The following TGS1 variants were observed in gnomAD, a reference collection of about 807,000 sequenced individuals.
TGS1 encodes the protein trimethylguanosine synthase 1.
A neutral mutation model predicts 92.2 loss-of-function variants in TGS1; 69 were observed. The ratio of observed to expected loss-of-function variants is 0.75; its 90% confidence interval spans 0.62 to 0.91. The LOEUF (loss-of-function observed/expected upper bound fraction) is 0.91, where lower values mean the gene tolerates loss of function less well. Among genes scored for constraint, TGS1 ranks in the 40% least tolerant of loss-of-function variants. TGS1 has a pLI of 0.00. For synonymous variants in TGS1, 345 were observed against 338.1 expected (o/e 1.02, Z -0.22); for missense variants, 1,062 against 1,001.2 (o/e 1.06, Z -0.82).
chr8:55,804,793 C>CT, intron 9 of TGS1, 100 bp from the exon 10 acceptor site: 1 of 1,017,512 alleles, frequency 9.8e-7, no homozygotes, highest in East Asian at 2.7e-5. Flanking sequence ...GGAAACTAAG[C>CT]TTTTTAAAAG....
chr8:55,812,911 T>C, intron 11 of TGS1, 129 bp from the exon 12 acceptor site: 1 of 678,066 alleles, frequency 1.5e-6, no homozygotes, highest in Non-Finnish European at 2.6e-6. Context: ...TTAGGTTCCA[T>C]TAGAGGGTTT....
intron 11 of TGS1, among the ~76,000 whole-genome samples, chr8:55,811,527 C>T (rs988030595): frequency 2.0e-5 from 3 of 147,738 alleles, no homozygotes; most frequent in Non-Finnish European, 3.0e-5. Context: ...TTTGGGAGGC[C>T]GAGGCAGGTG....
chr8:55,806,416 T>C (rs1314643552), intron 10 of TGS1, among the ~76,000 whole-genome samples: 5 of 143,516 alleles, frequency 3.5e-5, no homozygotes, highest in African/African-American at 5.2e-5. Context: ...TCAATAAATA[T>C]AGTACTGTAA....
At chr8:55,804,493 C>T (rs1285609854) in intron 9 of TGS1, among the ~76,000 whole-genome samples, 1 of 152,162 alleles carries the variant, frequency 6.6e-6, no homozygotes, top group African/African-American at 2.4e-5. Context: ...CAGGCTATTG[C>T]TTCAACCTTA....
In TGS1 at chr8:55,790,213, C is replaced by T; in HGVS notation, c.1194C>T (p.Ser398=). 1.2e-6 allele frequency: 2 copies of T among 1,614,040 alleles called. No homozygotes were observed. The highest frequency in any genetic ancestry group is 1.7e-6 in the Non-Finnish European group (2 of 1,179,940). Reference sequence around the variant, plus strand: ...AGAAGTCTTCAGGAGCAAACACAAGCAAAGACAGACCACATGCCAGTGGTA... The same window carrying T: ...AGAAGTCTTCAGGAGCAAACACAAGTAAAGACAGACCACATGCCAGTGGTA... ...DSQKSSGANT[S]KDRPHASGTD... is the part of the protein sequence containing the mutation. The change falls in exon 5 of 13, where the codon AGC becomes AGT. Residue 398 remains serine (S), a synonymous_variant. Transcript: ENST00000260129.
rs1481212491 is a variant in TGS1 at position 55,785,834 on chromosome 8, G to A, written c.282G>A (p.Met94Ile). Residue 94 changes from methionine to isoleucine, a missense_variant, in exon 3 of 13, where the codon ATG (methionine) becomes ATA (isoleucine). Physicochemically the swap from Met to Ile is conservative, Grantham distance 10. Coordinates refer to ENST00000260129, the MANE Select transcript of TGS1 (RefSeq NM_024831.8). ...ESELDSEAEL[M>I]RSMGLPLQFG... is the part of the protein sequence containing the mutation. The stretch of plus-strand genomic sequence containing the variant: ...AACTTGATTCTGAGGCTGAACTCAT[G>A]AGAAGTATGGGATTGCCACTTCAAT... 2 of 1,614,040 alleles carry A rather than the reference G, an allele frequency of 1.2e-6. No individual in the cohort carries two copies. Among genetic ancestry groups the A allele is most frequent in the East Asian group, 4.5e-5 (2 of 44,874 alleles).
Position 55,819,312 on chromosome 8 carries a change from T to TTTC in TGS1, c.2440-5268_2440-5267insTCT, listed in dbSNP as rs1803569506. On this transcript the variant is annotated intron_variant, in intron 12 of 12. Transcript: ENST00000260129. ...GATTTTTTTTTTTTTTTTTTTTTTT[T>TTTC]TGAGATGGAGTTTTGCTCTTGTTGC... Among the ~76,000 whole-genome samples the TTTC allele has an allele frequency of 3.3e-5, 3 of 91,168 alleles. No individual in the cohort carries two copies. The South Asian group carries it at 1.2e-3, about 35-fold the overall frequency. The allele number at this position is 91,168 out of a possible 152,430, so 59.8% of individuals were successfully genotyped here.
intron 10 of TGS1, among the ~76,000 whole-genome samples, chr8:55,806,380 C>CAAAAAAAAAAAAAAAAAAAAA (rs1812373667): frequency 8.4e-6 from 1 of 119,576 alleles, no homozygotes. Flanking sequence ...AAAAAAAAGA[C>CAAAAAAAAAAAAAAAAAAAAA]AAAAGAAAAA....
chr8:55,790,307 A>T lies in TGS1; in HGVS notation c.1280+8A>T. 1.9e-6 allele frequency: 3 copies of T among 1,572,396 alleles called. No homozygotes were observed. The highest frequency in any genetic ancestry group is 2.6e-6 in the Non-Finnish European group (3 of 1,142,170). ...AAGCAAACTGAAGAGGAGGTAAGTT[A>T]CATGAGACCCCTCTCACCAGAGCGT... On this transcript the variant is annotated splice_region_variant and intron_variant, in intron 5 of 12. Coordinates refer to ENST00000260129, the MANE Select transcript of TGS1 (RefSeq NM_024831.8).
chr8:55,802,744 TTC>T (rs1812254551), intron 9 of TGS1, 138 bp downstream of exon 9: 1 of 756,750 alleles, frequency 1.3e-6, no homozygotes, highest in Non-Finnish European at 2.0e-6. Flanking sequence ...CCCGTTTACG[TTC>T]TCATTCTCTC....
chr8:55,803,689 T>C (rs977675696), intron 9 of TGS1, among the ~76,000 whole-genome samples: 1 of 144,914 alleles, frequency 6.9e-6, no homozygotes, highest in African/African-American at 2.7e-5. Context: ...TATTTTTTCT[T>C]TTCTTTTTTT....
At chr8:55,793,818 A>G (rs1419160349) in intron 6 of TGS1, among the ~76,000 whole-genome samples, 1 of 151,552 alleles carries the variant, frequency 6.6e-6, no homozygotes, top group Non-Finnish European at 1.5e-5. Context: ...GGGTTGCACC[A>G]TATTGGCCAG....
chr8:55,798,930 C>G lies in TGS1; in HGVS notation c.1559C>G (p.Thr520Arg). The G allele has an allele frequency of 1.2e-6, 2 of 1,602,910 alleles. No homozygotes were observed. The highest frequency in any genetic ancestry group is 1.7e-6 in the Non-Finnish European group (2 of 1,175,912). ...KILSKVEKFLTWVNKPMDEEA... is the reference protein window; with the variant it reads ...KILSKVEKFLRWVNKPMDEEA... ...AAATTTAAGGTAGAAAAATTCCTCA[C>G]ATGGGTTAATAAACCAATGGATGAA... The change falls in exon 8 of 13, where the codon ACA (threonine) becomes AGA (arginine). Residue 520 changes from threonine to arginine, a missense_variant. By Grantham distance (71) the Thr-to-Arg change is moderately conservative. Coordinates refer to ENST00000260129, the MANE Select transcript of TGS1 (RefSeq NM_024831.8).
chr8:55,824,886 G>A lies in TGS1; in HGVS notation c.*183G>A. ...TTGAGATCTTTGAATAATTCCTTTA[G>A]AGGAATTATACAAAATTAATATATA... On this transcript the variant is annotated 3_prime_UTR_variant, in exon 13 of 13. Coordinates refer to ENST00000260129, the MANE Select transcript of TGS1 (RefSeq NM_024831.8). The A allele has an allele frequency of 3.1e-6, 2 of 638,080 alleles. No homozygotes were observed. The highest frequency in any genetic ancestry group is 5.2e-6 in the Non-Finnish European group (2 of 388,264). 39.5% of individuals were successfully genotyped at this position (638,080 alleles called of 1,614,324 possible). A position where few individuals can be genotyped will look rare whatever the true frequency, so the allele number is the denominator to read the frequency against.
chr8:55,786,929 G>A lies in TGS1; in HGVS notation c.1031G>A (p.Gly344Asp). 1 of 1,614,116 alleles carries A rather than the reference G, an allele frequency of 6.2e-7. No homozygotes were observed. Among genetic ancestry groups the A allele is most frequent in the Non-Finnish European group, 8.5e-7 (1 of 1,180,010 alleles). ...SQLDSCTSHD[G>D]HQQLSEVSSK... ...TTAGATTCCTGTACAAGTCATGATG[G>A]TCATCAACAGCTAAGTGAAGTTAGT... Residue 344 changes from glycine (G) to aspartate (D), a missense_variant, in exon 4 of 13, where the codon GGT (glycine) becomes GAT (aspartate). Coordinates refer to ENST00000260129, the MANE Select transcript of TGS1 (RefSeq NM_024831.8).
At chr8:55,822,227 C>A (rs976545809) in intron 12 of TGS1, among the ~76,000 whole-genome samples, 6 of 151,710 alleles carry the variant, frequency 4.0e-5, no homozygotes, top group African/African-American at 1.5e-4. Flanking sequence ...CCGCCACCAC[C>A]CCCAGCAAAT....
At position 55,773,643 on chromosome 8, in the gene TGS1, G is replaced by A. The variant is rs751648591; in HGVS notation, c.25G>A (p.Val9Met). 4.3e-6 allele frequency: 7 copies of A among 1,611,236 alleles called. No individual in the cohort carries two copies. The highest frequency in any genetic ancestry group is 5.9e-6 in the Non-Finnish European group (7 of 1,178,920). MCCEKWSR[V>M]AEMFLFIEER... ...AATGTGCTGCGAGAAGTGGAGCCGC[G>A]TGGCGGAAATGTTTCTCTTCATTGA... The change falls in exon 1 of 13, where the codon GTG (valine) becomes ATG (methionine). Residue 9 changes from valine (V) to methionine (M), a missense_variant. Transcript: ENST00000260129.
At chr8:55,815,622 C>T (rs1803453809) in intron 12 of TGS1, among the ~76,000 whole-genome samples, 1 of 152,098 alleles carries the variant, frequency 6.6e-6, no homozygotes, top group African/African-American at 2.4e-5. Flanking sequence ...GGAGATTGTA[C>T]TCTTAGATAA....
chr8:55,782,890 A>G, intron 2 of TGS1, 78 bp downstream of exon 2: 2 of 909,332 alleles, frequency 2.2e-6, no homozygotes, highest in Non-Finnish European at 3.4e-6. Context: ...AATTTGTTAT[A>G]ATATTGTATT....
Sources: gnomAD v4.1 joint callset for allele counts (sites outside exome capture counted in the v4.1 genomes callset) on GRCh38, gnomAD v4.1.1 for gene constraint, MANE v1.5 for transcripts, NCBI Gene and HGNC (gene_info 2026-07-23, HGNC 2026-07-21) for gene names.